The following SCD5 variants were observed in gnomAD, a reference collection of about 807,000 sequenced individuals.
SCD5 encodes the protein stearoyl-CoA desaturase 5.
A neutral mutation model predicts 30.4 loss-of-function variants in SCD5; 20 were observed. That is an observed-to-expected ratio of 0.66 (90% CI 0.46 to 0.96). The LOEUF is 0.96. Among genes scored for constraint, SCD5 ranks in the 40% least tolerant of loss-of-function variants. SCD5 has a pLI of 0.00. For missense variants in SCD5, 381 were observed against 443.3 expected, an observed-to-expected ratio of 0.86 and a Z score of 1.26; for synonymous variants, 173 against 176.4, an observed-to-expected ratio of 0.98 and a Z score of 0.16.
chr4:82,661,015 C>T (rs769369457), intron 3 of SCD5: 19 of 1,613,948 alleles, frequency 1.2e-5, no homozygotes, highest in Admixed American at 1.7e-5. Context: ...ATGCCATTCA[C>T]GAAGCATCTC....
At position 82,630,706 on chromosome 4, in the gene SCD5, T is replaced by G. The variant is rs1328406517; in HGVS notation, c.*621A>C. 3 of 145,678 alleles carry G rather than the reference T, an allele frequency of 2.1e-5. No homozygotes were observed. Among genetic ancestry groups the G allele is most frequent in the African/African-American group, 8.1e-5 (3 of 37,180 alleles). 9.0% of individuals were successfully genotyped at this position (145,678 alleles called of 1,614,324 possible). On this transcript the variant is annotated 3_prime_UTR_variant, in exon 5 of 5. Coordinates refer to ENST00000319540, the MANE Select transcript of SCD5 (RefSeq NM_001037582.3). ...GCTGGCTCCCAGCTACTCGGGAGGC[T>G]GAGGCAGGAGAATGGCGTGAACCCG...
chr4:82,643,859 G>A (rs370119122), intron 3 of SCD5, among the ~76,000 whole-genome samples: 3 of 152,206 alleles, frequency 2.0e-5, no homozygotes, highest in African/African-American at 7.2e-5. Flanking sequence ...ACTATGAAAG[G>A]AAGAAGCCTG....
chr4:82,702,429 G>A (rs1719871123), intron 2 of SCD5, among the ~76,000 whole-genome samples: 1 of 151,928 alleles, frequency 6.6e-6, no homozygotes, highest in South Asian at 2.1e-4. Context: ...ACAGGTATGA[G>A]CCACCACGCC....
chr4:82,661,133 G>A (rs761484689), intron 3 of SCD5: 21 of 1,487,592 alleles, frequency 1.4e-5, no homozygotes, highest in East Asian at 2.3e-5. Flanking sequence ...TTCAGCAAGG[G>A]TTTAATTTCT....
At chr4:82,648,261 C>T (rs1727671794) in intron 3 of SCD5, among the ~76,000 whole-genome samples, 1 of 152,242 alleles carries the variant, frequency 6.6e-6, no homozygotes, top group Admixed American at 6.5e-5. Flanking sequence ...CCCTCCACCA[C>T]ATGCAAACTT....
At chr4:82,635,548 G>A (rs565301728) in intron 4 of SCD5, among the ~76,000 whole-genome samples, 3 of 151,122 alleles carry the variant, frequency 2.0e-5, no homozygotes, top group Non-Finnish European at 2.9e-5. Flanking sequence ...GTGAACCTGG[G>A]AGGCAGAGCT....
chr4:82,776,897 G>A (rs1185962589), intron 1 of SCD5, among the ~76,000 whole-genome samples: 1 of 152,152 alleles, frequency 6.6e-6, no homozygotes, highest in Non-Finnish European at 1.5e-5. Flanking sequence ...TTGCTGCATA[G>A]GTTATATGTG....
At chr4:82,775,030 C>T (rs953814990) in intron 1 of SCD5, among the ~76,000 whole-genome samples, 1 of 152,190 alleles carries the variant, frequency 6.6e-6, no homozygotes, top group Non-Finnish European at 1.5e-5. Context: ...GAGTTCAGAC[C>T]GTTGGCTCCC....
intron 2 of SCD5, among the ~76,000 whole-genome samples, chr4:82,702,602 A>G (rs1299523389): frequency 6.6e-6 from 1 of 152,236 alleles, no homozygotes; most frequent in African/African-American, 2.4e-5. Context: ...TCTTGTTTGT[A>G]GCATCTAGCA....
intron 1 of SCD5, among the ~76,000 whole-genome samples, chr4:82,721,794 C>T (rs1961007): frequency 0.46 from 69,786 of 152,138 alleles, 17,307 homozygotes; most frequent in African/African-American, 0.65. Context: ...CCACCCCATC[C>T]GTAGTACATT....
intron 1 of SCD5, among the ~76,000 whole-genome samples, chr4:82,710,400 T>C (rs930937347): frequency 1.6e-4 from 25 of 152,288 alleles, no homozygotes; most frequent in African/African-American, 5.8e-4. Flanking sequence ...CATCCTTTCA[T>C]GTGAACTCAG....
chr4:82,661,997 GA>G (rs2148817021), intron 3 of SCD5, among the ~76,000 whole-genome samples: 1 of 152,286 alleles, frequency 6.6e-6, no homozygotes, highest in East Asian at 1.9e-4. Flanking sequence ...AAAAAGGAGG[GA>G]AATGAAGAGA....
At chr4:82,696,589 A>C (rs1324624025) in intron 2 of SCD5, among the ~76,000 whole-genome samples, 2 of 152,252 alleles carry the variant, frequency 1.3e-5, no homozygotes, top group Non-Finnish European at 2.9e-5. Flanking sequence ...CATTGAGGAA[A>C]GAGGAATAAC....
intron 1 of SCD5, among the ~76,000 whole-genome samples, chr4:82,789,031 A>G (rs758125977): frequency 6.6e-6 from 1 of 152,184 alleles, no homozygotes; most frequent in Non-Finnish European, 1.5e-5. Flanking sequence ...TGCAGCCAAA[A>G]GCATCCTAAT....
chr4:82,785,170 G>A (rs1356870224), intron 1 of SCD5, among the ~76,000 whole-genome samples: 1 of 152,140 alleles, frequency 6.6e-6, no homozygotes, highest in East Asian at 1.9e-4. Context: ...AGAATATGCC[G>A]CTCCAAAATA....
At chr4:82,720,620 T>C (rs1353515255) in intron 1 of SCD5, among the ~76,000 whole-genome samples, 1 of 152,058 alleles carries the variant, frequency 6.6e-6, no homozygotes, top group African/African-American at 2.4e-5. Flanking sequence ...CAATCCCCAA[T>C]TGTGTCTGAT....
At position 82,723,312 on chromosome 4, in the gene SCD5, G is replaced by A. The variant is rs553518089; in HGVS notation, c.233-17899C>T. Among the ~76,000 whole-genome samples the A allele has an allele frequency of 2.0e-3, 302 of 152,128 alleles. 3 individuals carry two copies. The highest frequency in any genetic ancestry group is 3.7e-3 in the Non-Finnish European group (251 of 67,980). The stretch of plus-strand genomic sequence containing the variant: ...GAATTCTAAATGTAGATGTGGATCC[G>A]CACCAAGAAGTTCTTTTCACAAATC... On this transcript the variant is annotated intron_variant, in intron 1 of 4. Coordinates refer to ENST00000319540, the MANE Select transcript of SCD5 (RefSeq NM_001037582.3).
intron 1 of SCD5, among the ~76,000 whole-genome samples, chr4:82,789,140 C>T (rs757121435): frequency 6.6e-6 from 1 of 152,124 alleles, no homozygotes; most frequent in Non-Finnish European, 1.5e-5. Flanking sequence ...TTCCCAAGGG[C>T]CATGCACAGA....
intron 1 of SCD5, among the ~76,000 whole-genome samples, chr4:82,729,335 G>C (rs997123327): frequency 6.6e-6 from 1 of 152,182 alleles, no homozygotes; most frequent in African/African-American, 2.4e-5. Context: ...AAGGACTTCT[G>C]GAGGAGGAGG....
Sources: allele counts gnomAD v4.1 joint callset (sites outside exome capture counted in the v4.1 genomes callset), GRCh38; gene constraint gnomAD v4.1.1; transcripts MANE v1.5; gene names NCBI Gene and HGNC (gene_info 2026-07-23, HGNC 2026-07-21).